The following MIPOL1 variants were observed in gnomAD, a reference collection of about 807,000 sequenced individuals.
MIPOL1 encodes the protein mirror-image polydactyly 1.
A neutral mutation model predicts 60.9 loss-of-function variants in MIPOL1; 57 were observed. The observed-to-expected ratio is 0.94, with a 90% CI of 0.76 to 1.17. The LOEUF is 1.17. MIPOL1 is among the 50% of genes most tolerant of loss of function. The pLI is 0.00. For missense variants in MIPOL1, 551 were observed against 511.6 expected (o/e 1.08, Z -0.74); for synonymous variants, 179 against 168.8 (o/e 1.06, Z -0.47).
chr14:37,383,289 A>G (rs1639871229), intron 10 of MIPOL1, among the ~76,000 whole-genome samples: 1 of 151,774 alleles, frequency 6.6e-6, no homozygotes, highest in Admixed American at 6.6e-5. Context: ...GATACTTGCT[A>G]TTTTAGGTTT....
intron 10 of MIPOL1, among the ~76,000 whole-genome samples, chr14:37,417,505 C>A (rs1955950): frequency 0.56 from 84,988 of 151,946 alleles, 25,479 homozygotes; most frequent in Non-Finnish European, 0.66. Flanking sequence ...TCCAAGCCTT[C>A]CTGTGAAGTG....
intron 6 of MIPOL1, among the ~76,000 whole-genome samples, chr14:37,282,313 C>A (rs2084179205): frequency 6.6e-6 from 1 of 151,534 alleles, no homozygotes; most frequent in African/African-American, 2.4e-5. Context: ...GTGATATCGG[C>A]TCACTGCAAC....
chr14:37,369,557 A>G lies in MIPOL1; in HGVS notation c.869A>G (p.Gln290Arg). 1 of 1,613,586 alleles carries G rather than the reference A, an allele frequency of 6.2e-7. No homozygotes were observed. The highest frequency in any genetic ancestry group is 8.5e-7 in the Non-Finnish European group (1 of 1,179,620). Residue 290 changes from glutamine (Q) to arginine (R), a missense_variant, in exon 10 of 13, where the codon CAG becomes CGG. Physicochemically the swap from Gln to Arg is conservative, Grantham distance 43 (BLOSUM62 1). Transcript: ENST00000684589. Reference sequence around the variant, plus strand: ...CAGGAGCTTCATCATGTGAAAGAGCAGAACCAGACTTCAGCAAACAACATG... The same window carrying G: ...CAGGAGCTTCATCATGTGAAAGAGCGGAACCAGACTTCAGCAAACAACATG... ...LEQELHHVKE[Q>R]NQTSANNMRH...
intron 10 of MIPOL1, among the ~76,000 whole-genome samples, chr14:37,374,981 C>G (rs2092735590): frequency 6.6e-6 from 1 of 152,092 alleles, no homozygotes. Flanking sequence ...GGCAATATGG[C>G]TATTTTCACG....
At chr14:37,515,211 A>G (rs938173993) in intron 12 of MIPOL1, among the ~76,000 whole-genome samples, 4 of 152,074 alleles carry the variant, frequency 2.6e-5, no homozygotes, top group Admixed American at 2.0e-4. Context: ...CAGCTGAAGC[A>G]TATCTTCTTT....
At chr14:37,465,666 A>T (rs1356477202) in intron 11 of MIPOL1, among the ~76,000 whole-genome samples, 1 of 152,118 alleles carries the variant, frequency 6.6e-6, no homozygotes, top group Non-Finnish European at 1.5e-5. Context: ...CTTATTTCAT[A>T]CTTAGGAATG....
At chr14:37,521,005 C>T (rs1215238439) in intron 12 of MIPOL1, among the ~76,000 whole-genome samples, 1 of 137,566 alleles carries the variant, frequency 7.3e-6, no homozygotes, top group Non-Finnish European at 1.5e-5. Flanking sequence ...GGCAAGATCT[C>T]GGCTCACTGT....
At chr14:37,493,383 G>T (rs1345646176) in intron 11 of MIPOL1, among the ~76,000 whole-genome samples, 1 of 152,088 alleles carries the variant, frequency 6.6e-6, no homozygotes, top group Non-Finnish European at 1.5e-5. Flanking sequence ...GGCATAGAGA[G>T]TCAGGGACCA....
chr14:37,251,620 G>A (rs555084924), intron 3 of MIPOL1, among the ~76,000 whole-genome samples: 11 of 151,114 alleles, frequency 7.3e-5, no homozygotes, highest in Non-Finnish European at 1.3e-4. Context: ...ATAATGAGTT[G>A]TTAAATTATT....
intron 9 of MIPOL1, among the ~76,000 whole-genome samples, chr14:37,317,181 G>A (rs982425464): frequency 6.6e-6 from 1 of 152,172 alleles, no homozygotes; most frequent in African/African-American, 2.4e-5. Context: ...TTAGTAAAGG[G>A]AAGTTGGGGG....
intron 1 of MIPOL1, among the ~76,000 whole-genome samples, chr14:37,231,980 G>A (rs547093882): frequency 1.3e-5 from 2 of 152,210 alleles, no homozygotes; most frequent in Admixed American, 1.3e-4. Context: ...TACTCAGGAG[G>A]CTGAGGTGGG....
At chr14:37,297,414 T>C (rs1472572856) in intron 7 of MIPOL1, among the ~76,000 whole-genome samples, 1 of 152,186 alleles carries the variant, frequency 6.6e-6, no homozygotes, top group Non-Finnish European at 1.5e-5. Context: ...ATGCGCTCTC[T>C]CACCACTCCT....
At chr14:37,536,574 GA>G (rs1314865742) in intron 12 of MIPOL1, among the ~76,000 whole-genome samples, 1 of 152,186 alleles carries the variant, frequency 6.6e-6, no homozygotes, top group Non-Finnish European at 1.5e-5. Flanking sequence ...GATGGGAAAT[GA>G]GTGAAGTATC....
At chr14:37,536,510 C>T (rs1206357044) in intron 12 of MIPOL1, among the ~76,000 whole-genome samples, 2 of 152,072 alleles carry the variant, frequency 1.3e-5, no homozygotes, top group Non-Finnish European at 2.9e-5. Context: ...TCATAAAGTT[C>T]AGGGCAAGTG....
chr14:37,236,216 C>T (rs989833601), intron 1 of MIPOL1, among the ~76,000 whole-genome samples: 4 of 151,992 alleles, frequency 2.6e-5, no homozygotes, highest in East Asian at 1.9e-4. Flanking sequence ...ACTAGGATTA[C>T]GCGCCTGGCC....
intron 11 of MIPOL1, among the ~76,000 whole-genome samples, chr14:37,432,928 T>G (rs938457103): frequency 6.6e-6 from 1 of 152,172 alleles, no homozygotes; most frequent in Admixed American, 6.5e-5. Context: ...AGAGAACCAA[T>G]AGACTGTATA....
intron 10 of MIPOL1, among the ~76,000 whole-genome samples, chr14:37,382,448 A>C (rs2092949908): frequency 6.6e-6 from 1 of 152,060 alleles, no homozygotes; most frequent in Non-Finnish European, 1.5e-5. Flanking sequence ...AGTAGTTGAG[A>C]CTTTCATTAG....
At chr14:37,526,463 C>A (rs112012613) in intron 12 of MIPOL1, among the ~76,000 whole-genome samples, 2,249 of 150,922 alleles carry the variant, frequency 0.015, 61 homozygotes, top group African/African-American at 0.051. Context: ...TCCACCTCCC[C>A]GGTTTACGCC....
At chr14:37,380,087 C>A (rs1041877368) in intron 10 of MIPOL1, among the ~76,000 whole-genome samples, 1 of 151,970 alleles carries the variant, frequency 6.6e-6, no homozygotes, top group African/African-American at 2.4e-5. Flanking sequence ...AATGCTAAAC[C>A]AAATGATCAT....
Sources: allele counts gnomAD v4.1 joint callset (sites outside exome capture counted in the v4.1 genomes callset), GRCh38; gene constraint gnomAD v4.1.1; transcripts MANE v1.5; gene names NCBI Gene and HGNC (gene_info 2026-07-23, HGNC 2026-07-21).